KHDC4: variants seen among roughly 807,000 people sequenced by gnomAD.
The protein encoded by KHDC4 is KH domain containing 4, pre-mRNA splicing factor.
A neutral mutation model predicts 74.5 loss-of-function variants in KHDC4; 19 were observed. The observed-to-expected ratio is 0.26, with a 90% CI of 0.18 to 0.37. KHDC4 has a LOEUF of 0.37. Among genes scored for constraint, KHDC4 ranks in the 10% least tolerant of loss-of-function variants. The pLI, the probability that KHDC4 is intolerant of heterozygous loss-of-function variation, is 1.00. For missense variants in KHDC4, 632 were observed against 754.1 expected (o/e 0.84, Z 1.90); for synonymous variants, 253 against 266.1 (o/e 0.95, Z 0.48).
At chr1:155,918,649 A>G (rs1673785333) in intron 10 of KHDC4, among the ~76,000 whole-genome samples, 1 of 151,888 alleles carries the variant, frequency 6.6e-6, no homozygotes, top group Non-Finnish European at 1.5e-5. Flanking sequence ...CTGTAACACA[A>G]TGGTAAGTAT....
chr1:155,915,031 T>A (rs1394845972), intron 13 of KHDC4: 1 of 152,234 alleles, frequency 6.6e-6, no homozygotes, highest in African/African-American at 2.4e-5. Flanking sequence ...ACAATTTTTT[T>A]AAAACTATTT....
At chr1:155,928,813 G>C (rs1167594855) in intron 4 of KHDC4, among the ~76,000 whole-genome samples, 1 of 151,764 alleles carries the variant, frequency 6.6e-6, no homozygotes, top group African/African-American at 2.4e-5. Context: ...TTAGCCAGGC[G>C]TGGTGGCAGG....
rs1468429092 is a variant in KHDC4, at chr1:155,921,637, G to A, written c.1013-9C>T. ...AGAGGGTTGTGTATAGCCTGAGGGG[G>A]AAGAAAAAAAGTGTTTAATCAGCTG... is the stretch of plus-strand genomic sequence containing the variant. On this transcript the variant is annotated splice_polypyrimidine_tract_variant and intron_variant, in intron 9 of 13. Transcript: ENST00000368321. 1.9e-6 allele frequency: 3 copies of A among 1,594,100 alleles called. No individual in the cohort carries two copies. Among genetic ancestry groups the A allele is most frequent in the East Asian group, 2.2e-5 (1 of 44,600 alleles).
rs773843642 is a variant in KHDC4, at chr1:155,927,156, C to T, written c.465G>A (p.Gly155=). ...TTEEKAKVGP[G]DRPLYLHVQG... is the part of the protein sequence containing the mutation. The stretch of plus-strand genomic sequence containing the variant: ...GAACATGAAGATATAATGGACGATC[C>T]CTATAAAGAGAAACAAAAAAGGATG... Residue 155 remains glycine (G), a splice_region_variant and synonymous_variant, in exon 5 of 14, where the codon GGG becomes GGA. Coordinates refer to ENST00000368321, the MANE Select transcript of KHDC4 (RefSeq NM_014949.4). 6.2e-7 allele frequency: 1 copy of T among 1,613,024 alleles called. No homozygotes were observed. The highest frequency in any genetic ancestry group is 1.1e-5 in the South Asian group (1 of 91,024).
rs1269513150 is a variant in KHDC4, at chr1:155,929,471, GAAGGA to G, written c.385-101_385-97del. 3.5e-6 allele frequency: 4 copies of G among 1,152,850 alleles called. No individual in the cohort carries two copies. The African/African-American group carries it at 4.6e-5, about 13-fold the overall frequency. The allele number at this position is 1,152,850 out of a possible 1,614,324, so 71.4% of individuals were successfully genotyped here. On this transcript the variant is annotated intron_variant, in intron 3 of 13. Coordinates refer to ENST00000368321, the MANE Select transcript of KHDC4 (RefSeq NM_014949.4). ...CCATTCATTCATTCAACCAAGTAAA[GAAGGA>G]AAGAATTCTCTCCTGTATCTGAAAT...
chr1:155,919,450 G>A (rs949838055), intron 10 of KHDC4, among the ~76,000 whole-genome samples: 6 of 152,068 alleles, frequency 3.9e-5, no homozygotes, highest in African/African-American at 2.4e-5. Context: ...CCGAGGCTGC[G>A]GATCACCTGA....
intron 7 of KHDC4, 125 bp downstream of exon 7, chr1:155,925,507 G>GT (rs1673970374): frequency 2.7e-6 from 2 of 741,086 alleles, no homozygotes; most frequent in African/African-American, 3.5e-5. Context: ...ATTACTCCTA[G>GT]CATTTATCTA....
At chr1:155,917,106 C>T (rs1368813498) in intron 11 of KHDC4, among the ~76,000 whole-genome samples, 2 of 152,058 alleles carry the variant, frequency 1.3e-5, no homozygotes, top group African/African-American at 4.8e-5. Context: ...ACCAAAACTA[C>T]AAATTAAGAA....
At chr1:155,916,310 C>T (rs531111203) in intron 12 of KHDC4, among the ~76,000 whole-genome samples, 3 of 152,252 alleles carry the variant, frequency 2.0e-5, no homozygotes, top group Non-Finnish European at 1.5e-5. Flanking sequence ...TCTAAAGTAG[C>T]AAAAATAGCT....
In KHDC4 at chr1:155,933,947, T is replaced by G; in HGVS notation, c.39-98A>C. 4 of 937,122 alleles carry G rather than the reference T, an allele frequency of 4.3e-6. No individual in the cohort carries two copies. The South Asian group carries it at 7.7e-5, about 18-fold the overall frequency. 58.1% of individuals were successfully genotyped at this position (937,122 alleles called of 1,614,324 possible). On this transcript the variant is annotated intron_variant, in intron 1 of 13. Coordinates refer to ENST00000368321, the MANE Select transcript of KHDC4 (RefSeq NM_014949.4). ...GCACCCCATTTTCCCTCTATTATAT[T>G]CCATTTACACCTCCGAATCACCTTC...
intron 12 of KHDC4, among the ~76,000 whole-genome samples, chr1:155,916,211 T>C (rs967433274): frequency 6.6e-6 from 1 of 152,310 alleles, no homozygotes; most frequent in African/African-American, 2.4e-5. Flanking sequence ...TGAAGGTTAA[T>C]ATACTAATAT....
chr1:155,927,041 T>G, intron 5 of KHDC4, 63 bp downstream of exon 5: 1 of 1,501,016 alleles, frequency 6.7e-7, no homozygotes, highest in Non-Finnish European at 9.3e-7. Context: ...GCCAACTTGC[T>G]ATACAGAGCC....
Position 155,925,760 on chromosome 1 carries a change from T to C in KHDC4, c.765A>G (p.Pro255=). The part of the protein sequence containing the change: ...TFNVKEKVEG[P]GCSYLQHIQI... The stretch of plus-strand genomic sequence containing the variant: ...GAATGTGCTGCAAATAGGAGCAGCC[T>C]GGACCTTCCACCTTCTCCTTGACAT... Residue 255 remains proline, a synonymous_variant, in exon 7 of 14, where the codon CCA becomes CCG. Transcript: ENST00000368321. The C allele has an allele frequency of 6.2e-7, 1 of 1,614,170 alleles. No homozygotes were observed. Among genetic ancestry groups the C allele is most frequent in the Non-Finnish European group, 8.5e-7 (1 of 1,179,972 alleles).
chr1:155,927,038 T>C, intron 5 of KHDC4, 66 bp downstream of exon 5: 1 of 1,494,434 alleles, frequency 6.7e-7, no homozygotes, highest in South Asian at 1.1e-5. Context: ...TTTGCCAACT[T>C]GCTATACAGA....
At chr1:155,923,905 G>C (rs1404200566) in intron 7 of KHDC4, among the ~76,000 whole-genome samples, 2 of 152,182 alleles carry the variant, frequency 1.3e-5, no homozygotes, top group Admixed American at 1.3e-4. Context: ...CTTTCTCTGA[G>C]TAATGGTACT....
At chr1:155,923,458 A>T (rs762890260) in intron 8 of KHDC4, among the ~76,000 whole-genome samples, 169 bp downstream of exon 8, 1 of 152,090 alleles carries the variant, frequency 6.6e-6, no homozygotes, top group Non-Finnish European at 1.5e-5. Context: ...TTGATTTCAG[A>T]CTCTGCTTCC....
chr1:155,914,661 GAA>G (rs1344133052), intron 13 of KHDC4: 3 of 219,926 alleles, frequency 1.4e-5, no homozygotes, highest in Non-Finnish European at 2.7e-5. Flanking sequence ...GTTAAGAAAA[GAA>G]AAAAACGTAT....
chr1:155,929,689 A>T (rs1324613016), intron 3 of KHDC4, 23 bp downstream of exon 3: 1 of 1,603,120 alleles, frequency 6.2e-7, no homozygotes, highest in Admixed American at 1.8e-5. Flanking sequence ...CGCCCTCCCC[A>T]AAGAGTCTCA....
chr1:155,932,991 A>G (rs1421817599), intron 2 of KHDC4, among the ~76,000 whole-genome samples: 1 of 152,130 alleles, frequency 6.6e-6, no homozygotes, highest in African/African-American at 2.4e-5. Flanking sequence ...AGATGACACT[A>G]TGGGGCTCAC....
Sources: allele counts gnomAD v4.1 joint callset (sites outside exome capture counted in the v4.1 genomes callset), GRCh38; gene constraint gnomAD v4.1.1; transcripts MANE v1.5; gene names NCBI Gene and HGNC (gene_info 2026-07-23, HGNC 2026-07-21).